Variants in PALM observed in about 807,000 individuals in gnomAD.
PALM encodes the protein paralemmin-1.
A neutral mutation model predicts 30.7 loss-of-function variants in PALM; 18 were observed. That is an observed-to-expected ratio of 0.59 (90% CI 0.41 to 0.87). The LOEUF (loss-of-function observed/expected upper bound fraction) is 0.87, where lower values mean the gene tolerates loss of function less well. Among genes scored for constraint, PALM ranks in the 40% least tolerant of loss-of-function variants. PALM has a pLI of 0.00. For synonymous variants in PALM, 286 were observed against 242.8 expected, an observed-to-expected ratio of 1.18 and a Z score of -1.66; for missense variants, 529 against 555.4, an observed-to-expected ratio of 0.95 and a Z score of 0.48.
At chr19:733,412 C>T (rs2032929737) in intron 5 of PALM, among the ~76,000 whole-genome samples, 2 of 152,200 alleles carry the variant, frequency 1.3e-5, no homozygotes, top group African/African-American at 4.8e-5. Context: ...GACACCACAG[C>T]CCTGAGACAG....
chr19:722,429 A>G (rs2032521248), intron 1 of PALM: 1 of 151,884 alleles, frequency 6.6e-6, no homozygotes, highest in African/African-American at 2.4e-5. Flanking sequence ...GGCTCTTGCT[A>G]TGTTGCCCAG....
chr19:740,776 A>T (rs964230026), intron 8 of PALM, among the ~76,000 whole-genome samples: 3 of 152,198 alleles, frequency 2.0e-5, no homozygotes, highest in Non-Finnish European at 4.4e-5. Flanking sequence ...AGGTAGATTC[A>T]GCTTCTGTCC....
At chr19:714,503 C>T (rs150445318) in intron 1 of PALM, among the ~76,000 whole-genome samples, 8,339 of 150,480 alleles carry the variant, frequency 0.055, 356 homozygotes, top group East Asian at 0.18. Context: ...GGACTACAGG[C>T]GCCCGCCACC....
chr19:735,934 G>T, intron 6 of PALM, 85 bp from the exon 7 acceptor site: 2 of 1,148,422 alleles, frequency 1.7e-6, no homozygotes, highest in Non-Finnish European at 1.3e-6. Context: ...ATGCACTTCT[G>T]TGAAGGGGCG....
intron 1 of PALM, among the ~76,000 whole-genome samples, chr19:711,400 G>A (rs2032075926): frequency 6.6e-6 from 1 of 152,170 alleles, no homozygotes; most frequent in Admixed American, 6.6e-5. Flanking sequence ...GGATAGGGAG[G>A]AGAACAGACT....
chr19:726,651 C>T lies in PALM; in HGVS notation c.58-357C>T, dbSNP rs142253136. ...TCGAGTAGCTGGGATTATGAGTGAC[C>T]GCCACGACGCTGGGCTAATTGTTGT... On this transcript the variant is annotated intron_variant, in intron 2 of 8. Coordinates refer to ENST00000338448, the MANE Select transcript of PALM (RefSeq NM_002579.3). Among the ~76,000 whole-genome samples the T allele has an allele frequency of 4.0e-3, 603 of 152,190 alleles. 3 individuals carry two copies. The highest frequency in any genetic ancestry group is 0.014 in the African/African-American group (578 of 41,520).
intron 1 of PALM, among the ~76,000 whole-genome samples, chr19:713,514 C>T (rs2032152738): frequency 6.6e-6 from 1 of 152,164 alleles, no homozygotes; most frequent in Admixed American, 6.6e-5. Flanking sequence ...GCATCTCTGC[C>T]TCTGCCCATT....
intron 1 of PALM, chr19:719,715 T>C: frequency 7.7e-6 from 6 of 777,736 alleles, no homozygotes; most frequent in Non-Finnish European, 9.4e-6. Flanking sequence ...GCCGGGGTCC[T>C]GGTCCCAGCC....
chr19:745,069 A>G (rs2033299596), intron 8 of PALM, among the ~76,000 whole-genome samples: 2 of 151,098 alleles, frequency 1.3e-5, no homozygotes, highest in African/African-American at 4.8e-5. Context: ...AATCCCAGCT[A>G]CTCTAGAGAC....
At chr19:739,610 G>A (rs1047701994) in intron 7 of PALM, among the ~76,000 whole-genome samples, 3 of 152,150 alleles carry the variant, frequency 2.0e-5, no homozygotes, top group Admixed American at 6.5e-5. Flanking sequence ...GAGCCAGGAA[G>A]GTCATGACTG....
At position 726,998 on chromosome 19, in the gene PALM, C is replaced by T. The variant is rs1332847797; in HGVS notation, c.58-10C>T. ...CGCCCATCCCTGACCCCACCCGGCCCTCCCCACAGGAGAAGCGGAAGCGGC... is the reference window on the plus strand; with the variant it reads ...CGCCCATCCCTGACCCCACCCGGCCTTCCCCACAGGAGAAGCGGAAGCGGC... On this transcript the variant is annotated splice_polypyrimidine_tract_variant and intron_variant, in intron 2 of 8. Coordinates refer to ENST00000338448, the MANE Select transcript of PALM (RefSeq NM_002579.3). 3 of 1,460,672 alleles carry T rather than the reference C, an allele frequency of 2.1e-6. No homozygotes were observed. Among genetic ancestry groups the T allele is most frequent in the East Asian group, 2.5e-5 (1 of 39,490 alleles). 90.5% of individuals were successfully genotyped at this position (1,460,672 alleles called of 1,614,324 possible). A position where few individuals can be genotyped will look rare whatever the true frequency, so the allele number is the denominator to read the frequency against.
intron 1 of PALM, among the ~76,000 whole-genome samples, chr19:720,332 G>C (rs886248345): frequency 1.3e-5 from 2 of 150,022 alleles, no homozygotes; most frequent in South Asian, 2.1e-4. Context: ...GGCGAGGGGG[G>C]CGCATCCTGC....
chr19:718,701 G>A (rs1224548763), intron 1 of PALM, among the ~76,000 whole-genome samples: 3 of 152,076 alleles, frequency 2.0e-5, no homozygotes, highest in Admixed American at 6.6e-5. Flanking sequence ...GGGGGCCTCC[G>A]TGCTGCATCC....
chr19:719,512 G>GCTGC, intron 1 of PALM: 1 of 985,412 alleles, frequency 1.0e-6, no homozygotes, highest in Non-Finnish European at 1.2e-6. Context: ...GCTCTGCGCG[G>GCTGC]CTGCCGGGAG....
intron 4 of PALM, among the ~76,000 whole-genome samples, chr19:730,288 T>C (rs1047423403): frequency 2.6e-5 from 4 of 152,144 alleles, no homozygotes; most frequent in Non-Finnish European, 4.4e-5. Flanking sequence ...CCCACCTTGT[T>C]AGACTTACGC....
chr19:734,277 C>G (rs781233529), intron 6 of PALM, 83 bp downstream of exon 6: 2 of 1,385,932 alleles, frequency 1.4e-6, no homozygotes, highest in Admixed American at 1.7e-5. Context: ...AGTGAAGCTA[C>G]AAAGTTGCTC....
chr19:713,885 GTTC>G (rs2144844203), intron 1 of PALM, among the ~76,000 whole-genome samples: 1 of 145,702 alleles, frequency 6.9e-6, no homozygotes, highest in African/African-American at 2.6e-5. Context: ...CCCAGCCTAT[GTTC>G]TTTTTTTCTT....
chr19:732,166 G>A (rs1290019859), intron 5 of PALM, among the ~76,000 whole-genome samples: 2 of 152,122 alleles, frequency 1.3e-5, no homozygotes, highest in African/African-American at 4.8e-5. Flanking sequence ...TGGTAGAAAC[G>A]GGGTCTCTGC....
chr19:717,150 A>C (rs12983579), intron 1 of PALM, among the ~76,000 whole-genome samples: 5 of 151,900 alleles, frequency 3.3e-5, no homozygotes, highest in South Asian at 2.1e-4. Context: ...GGATGGTCTC[A>C]ATCTCTTGAC....
Sources: allele counts gnomAD v4.1 joint callset (sites outside exome capture counted in the v4.1 genomes callset), GRCh38; gene constraint gnomAD v4.1.1; transcripts MANE v1.5; gene names NCBI Gene and HGNC (gene_info 2026-07-23, HGNC 2026-07-21).